PKHD1: variants seen among roughly 807,000 people sequenced by gnomAD.
The protein encoded by PKHD1 is fibrocystin.
A neutral mutation model predicts 412.0 loss-of-function variants in PKHD1; 291 were observed. The observed-to-expected ratio is 0.71, with a 90% CI of 0.64 to 0.78. The LOEUF (loss-of-function observed/expected upper bound fraction) is 0.78, where lower values mean the gene tolerates loss of function less well. Ranked by LOEUF, PKHD1 falls within the 30% of genes least tolerant of loss-of-function variation. PKHD1 has a pLI of 0.00. For synonymous variants in PKHD1, 1,777 were observed against 1,821.5 expected (o/e 0.98, Z 0.62); for missense variants, 4,825 against 4,950.7 (o/e 0.97, Z 0.76).
chr6:51,695,430 A>G (rs975874753), intron 60 of PKHD1, among the ~76,000 whole-genome samples: 1 of 152,126 alleles, frequency 6.6e-6, no homozygotes, highest in Non-Finnish European at 1.5e-5. Context: ...AGAAAAATGA[A>G]GAGGAGTAGG....
chr6:51,903,684 G>C lies in PKHD1; in HGVS notation c.6909C>G (p.Ile2303Met), dbSNP rs1195711232. 6.2e-7 allele frequency: 1 copy of C among 1,611,284 alleles called. No individual in the cohort carries two copies. Among genetic ancestry groups the C allele is most frequent in the Non-Finnish European group, 8.5e-7 (1 of 1,177,746 alleles). The change falls in exon 43 of 67, where the codon ATC becomes ATG. Residue 2303 changes from isoleucine (I) to methionine (M), a missense_variant. Transcript: ENST00000371117. ...HGNIIRNNVI[I>M]QVSGAEGLSN... ...AGAGTCCCTCGGCACCAGAAACCTG[G>C]ATGATCACGTTGTTTCTTATTATAT...
intron 35 of PKHD1, among the ~76,000 whole-genome samples, chr6:51,974,590 G>GAAGT (rs1562026962): frequency 6.6e-6 from 1 of 152,146 alleles, no homozygotes; most frequent in Admixed American, 6.5e-5. Flanking sequence ...TATTCTAAGT[G>GAAGT]AAGTAACTCA....
At chr6:51,727,829 G>A (rs1304347196) in intron 60 of PKHD1, among the ~76,000 whole-genome samples, 2 of 152,070 alleles carry the variant, frequency 1.3e-5, no homozygotes, top group Non-Finnish European at 2.9e-5. Flanking sequence ...GCCTCTTCCT[G>A]GCACCATCTG....
chr6:51,775,354 C>T (rs576674555), intron 54 of PKHD1, among the ~76,000 whole-genome samples: 2 of 151,878 alleles, frequency 1.3e-5, no homozygotes, highest in African/African-American at 2.4e-5. Context: ...GGCCAGTCCC[C>T]GTTTCTGTAC....
intron 45 of PKHD1, among the ~76,000 whole-genome samples, chr6:51,885,128 G>A (rs758232146): frequency 6.6e-6 from 1 of 152,066 alleles, no homozygotes; most frequent in East Asian, 1.9e-4. Flanking sequence ...AGATTTCTAG[G>A]CAGAGACAAA....
At chr6:51,826,795 C>T (rs947990908) in intron 52 of PKHD1, among the ~76,000 whole-genome samples, 7 of 151,916 alleles carry the variant, frequency 4.6e-5, no homozygotes, top group African/African-American at 1.2e-4. Context: ...AAAGATAGAA[C>T]GCCTTGAAGG....
chr6:52,025,717 G>C lies in PKHD1; in HGVS notation c.4093C>G (p.Pro1365Ala). 6.2e-7 allele frequency: 1 copy of C among 1,614,180 alleles called. No homozygotes were observed. Among genetic ancestry groups the C allele is most frequent in the Non-Finnish European group, 8.5e-7 (1 of 1,180,034 alleles). The change falls in exon 32 of 67, where the codon CCT becomes GCT. Residue 1365 changes from proline (P) to alanine (A), a missense_variant. Physicochemically the swap from Pro to Ala is conservative, Grantham distance 27. Transcript: ENST00000371117. Reference sequence around the variant, plus strand: ...ATCTGCTTCTGACGTACTTGGAGAGGATAGATGCCAGCCTCCAGACTGTGA... The same window carrying C: ...ATCTGCTTCTGACGTACTTGGAGAGCATAGATGCCAGCCTCCAGACTGTGA... ...PLHSLEAGIY[P>A]LQVRQKQMGF...
chr6:51,687,601 A>C (rs1777606622), intron 60 of PKHD1, among the ~76,000 whole-genome samples: 3 of 152,194 alleles, frequency 2.0e-5, no homozygotes, highest in Admixed American at 1.3e-4. Context: ...CAACAACTTT[A>C]AAAGGCAGAA....
chr6:51,755,464 C>T (rs1470205412), intron 55 of PKHD1, among the ~76,000 whole-genome samples: 2 of 152,140 alleles, frequency 1.3e-5, no homozygotes, highest in Non-Finnish European at 2.9e-5. Context: ...TGAGAAGTCA[C>T]TTCACTCCTC....
intron 60 of PKHD1, among the ~76,000 whole-genome samples, chr6:51,674,009 T>C (rs901961755): frequency 4.6e-5 from 7 of 152,100 alleles, no homozygotes; most frequent in Admixed American, 2.6e-4. Flanking sequence ...CTAGAGATGG[T>C]AGATAGAGAG....
At chr6:51,916,638 A>G (rs1434723551) in intron 37 of PKHD1, among the ~76,000 whole-genome samples, 1 of 152,178 alleles carries the variant, frequency 6.6e-6, no homozygotes, top group Non-Finnish European at 1.5e-5. Flanking sequence ...AATGTCATAC[A>G]AGGTGGACCA....
chr6:51,749,314 T>C (rs965401513), intron 57 of PKHD1, among the ~76,000 whole-genome samples: 1 of 152,218 alleles, frequency 6.6e-6, no homozygotes, highest in African/African-American at 2.4e-5. Context: ...CTGTTTCATT[T>C]TTATAAGATT....
At chr6:52,082,100 T>C (rs937594396) in intron 4 of PKHD1, among the ~76,000 whole-genome samples, 1 of 152,164 alleles carries the variant, frequency 6.6e-6, no homozygotes, top group Non-Finnish European at 1.5e-5. Context: ...AATGGTACCA[T>C]TTATTAAAAT....
At chr6:51,796,966 A>C (rs1364757099) in intron 52 of PKHD1, among the ~76,000 whole-genome samples, 1 of 151,944 alleles carries the variant, frequency 6.6e-6, no homozygotes, top group Non-Finnish European at 1.5e-5. Context: ...GGTGTCTTCC[A>C]CCATACCTGG....
intron 50 of PKHD1, among the ~76,000 whole-genome samples, chr6:51,844,781 C>G (rs905644629): frequency 6.6e-6 from 1 of 152,136 alleles, no homozygotes; most frequent in Non-Finnish European, 1.5e-5. Context: ...GTCAGTGAAG[C>G]AGCACTCTGA....
At chr6:51,625,069 A>C (rs1357544917) in intron 66 of PKHD1, among the ~76,000 whole-genome samples, 1 of 152,210 alleles carries the variant, frequency 6.6e-6, no homozygotes, top group Non-Finnish European at 1.5e-5. Flanking sequence ...TTCTTCCCCC[A>C]TCACAACTTT....
At chr6:51,810,871 CAGAG>C (rs1392802356) in intron 52 of PKHD1, among the ~76,000 whole-genome samples, 1 of 152,124 alleles carries the variant, frequency 6.6e-6, no homozygotes, top group African/African-American at 2.4e-5. Flanking sequence ...CTTGGGGAAA[CAGAG>C]AGACTTCTAA....
chr6:51,666,816 T>G (rs1278581036), intron 60 of PKHD1, among the ~76,000 whole-genome samples: 1 of 151,650 alleles, frequency 6.6e-6, no homozygotes, highest in Non-Finnish European at 1.5e-5. Context: ...GTTCTTGCGA[T>G]AGTTTACTGA....
chr6:51,869,593 T>G (rs1775648105), intron 47 of PKHD1, among the ~76,000 whole-genome samples: 2 of 152,146 alleles, frequency 1.3e-5, no homozygotes, highest in African/African-American at 4.8e-5. Flanking sequence ...GAAAAGGGAT[T>G]AGAGTTCATA....
Sources: allele counts gnomAD v4.1 joint callset (sites outside exome capture counted in the v4.1 genomes callset), GRCh38; gene constraint gnomAD v4.1.1; transcripts MANE v1.5; gene names NCBI Gene and HGNC (gene_info 2026-07-23, HGNC 2026-07-21).